Variants in BNC2 observed in about 807,000 individuals in gnomAD.
BNC2 encodes the protein zinc finger protein basonuclin-2.
In BNC2, 20 loss-of-function variants were observed where a neutral mutation model predicts 76.3. That is an observed-to-expected ratio of 0.26 (90% CI 0.18 to 0.38). BNC2 has a LOEUF of 0.38. BNC2 is among the 10% of genes least tolerant of loss of function. The pLI, the probability that BNC2 is intolerant of heterozygous loss-of-function variation, is 1.00. For missense variants in BNC2, 1,382 were observed against 1,399.8 expected (o/e 0.99, Z 0.20); for synonymous variants, 582 against 514.8 (o/e 1.13, Z -1.77).
At chr9:16,607,395 G>T (rs1415269304) in intron 3 of BNC2, among the ~76,000 whole-genome samples, 4 of 152,106 alleles carry the variant, frequency 2.6e-5, no homozygotes, top group Admixed American at 2.6e-4. Context: ...AAGAAACACA[G>T]GACCAAGTCC....
intron 1 of BNC2, among the ~76,000 whole-genome samples, chr9:16,770,202 G>A (rs925531501): frequency 6.6e-6 from 1 of 152,116 alleles, no homozygotes; most frequent in African/African-American, 2.4e-5. Flanking sequence ...AACACCCAGA[G>A]ATACAGGAGA....
chr9:16,616,408 TAA>T (rs1820698098), intron 3 of BNC2, among the ~76,000 whole-genome samples: 3 of 150,926 alleles, frequency 2.0e-5, no homozygotes, highest in Admixed American at 2.0e-4. Flanking sequence ...TAAAATAAAA[TAA>T]AAGAGGCCAG....
chr9:16,767,589 G>C (rs1300901441), intron 1 of BNC2, among the ~76,000 whole-genome samples: 1 of 152,114 alleles, frequency 6.6e-6, no homozygotes, highest in Non-Finnish European at 1.5e-5. Context: ...GAGGCACTGG[G>C]GAAAAAGTAT....
At chr9:16,618,575 GTAC>G (rs1489177160) in intron 3 of BNC2, among the ~76,000 whole-genome samples, 1 of 152,052 alleles carries the variant, frequency 6.6e-6, no homozygotes, top group Non-Finnish European at 1.5e-5. Flanking sequence ...TCACATTACA[GTAC>G]TTAATATACC....
At chr9:16,477,360 A>G (rs1281507712) in intron 5 of BNC2, among the ~76,000 whole-genome samples, 1 of 152,144 alleles carries the variant, frequency 6.6e-6, no homozygotes, top group African/African-American at 2.4e-5. Flanking sequence ...CCTTGATAAC[A>G]ATGTGACAAG....
At chr9:16,627,086 T>C (rs1821019338) in intron 3 of BNC2, among the ~76,000 whole-genome samples, 3 of 152,172 alleles carry the variant, frequency 2.0e-5, no homozygotes, top group South Asian at 4.1e-4. Context: ...TTATTTATCC[T>C]GCAGCCAGTT....
chr9:16,870,556 GCCC>G (rs1819657666), intron 1 of BNC2, 87 bp downstream of exon 1: 1 of 1,486,524 alleles, frequency 6.7e-7, no homozygotes, highest in Non-Finnish European at 9.2e-7. Context: ...GGCGGACACG[GCCC>G]CCGGGCGGCC....
At chr9:16,842,903 C>CA (rs1818870968) in intron 1 of BNC2, among the ~76,000 whole-genome samples, 3 of 152,160 alleles carry the variant, frequency 2.0e-5, no homozygotes, top group Admixed American at 6.5e-5. Context: ...AGGTGTGCAC[C>CA]ACCACACCCA....
chr9:16,511,795 G>T (rs1822763564), intron 5 of BNC2, among the ~76,000 whole-genome samples: 1 of 152,096 alleles, frequency 6.6e-6, no homozygotes, highest in East Asian at 1.9e-4. Flanking sequence ...GATAAAGTAA[G>T]CAAAGGTATT....
chr9:16,628,835 G>A (rs1821075738), intron 3 of BNC2, among the ~76,000 whole-genome samples: 1 of 152,150 alleles, frequency 6.6e-6, no homozygotes, highest in Non-Finnish European at 1.5e-5. Flanking sequence ...AATCATTGCT[G>A]TTAAAGGGAA....
chr9:16,817,204 A>G (rs1378758286), intron 1 of BNC2, among the ~76,000 whole-genome samples: 2 of 152,158 alleles, frequency 1.3e-5, no homozygotes, highest in African/African-American at 2.4e-5. Context: ...ATACACACAC[A>G]AGAGACTGGT....
At chr9:16,666,807 A>C (rs1822305470) in intron 3 of BNC2, among the ~76,000 whole-genome samples, 1 of 152,206 alleles carries the variant, frequency 6.6e-6, no homozygotes, top group South Asian at 2.1e-4. Flanking sequence ...ATTCTTAACA[A>C]ATTTTTCATG....
At chr9:16,674,936 T>G (rs1230622713) in intron 3 of BNC2, among the ~76,000 whole-genome samples, 1 of 152,206 alleles carries the variant, frequency 6.6e-6, no homozygotes, top group East Asian at 1.9e-4. Context: ...TATTTCCGAT[T>G]CTTAAAGTTT....
At chr9:16,447,089 A>G (rs1032291889) in intron 5 of BNC2, among the ~76,000 whole-genome samples, 1 of 152,176 alleles carries the variant, frequency 6.6e-6, no homozygotes, top group African/African-American at 2.4e-5. Context: ...AGAAACTTTT[A>G]AAGACACATT....
chr9:16,419,843 G>A (rs1438023524), intron 6 of BNC2, among the ~76,000 whole-genome samples, 194 bp from the exon 7 acceptor site: 2 of 152,184 alleles, frequency 1.3e-5, no homozygotes, highest in African/African-American at 4.8e-5. Context: ...GGTGAGAGGT[G>A]CAATCAGGGG....
At chr9:16,558,933 C>CAAAA (rs574756487) in intron 4 of BNC2, among the ~76,000 whole-genome samples, 2,791 of 81,080 alleles carry the variant, frequency 0.034, 69 homozygotes, top group South Asian at 0.2. Flanking sequence ...GACTCCGTCT[C>CAAAA]AAAAAAAAAA....
At chr9:16,685,876 C>T (rs1200497054) in intron 3 of BNC2, among the ~76,000 whole-genome samples, 1 of 152,158 alleles carries the variant, frequency 6.6e-6, no homozygotes. Context: ...TCCTTGTATT[C>T]ACAGCAGGTA....
At chr9:16,761,579 C>T (rs1306648198) in intron 1 of BNC2, among the ~76,000 whole-genome samples, 2 of 152,140 alleles carry the variant, frequency 1.3e-5, no homozygotes, top group Non-Finnish European at 2.9e-5. Flanking sequence ...GAGAGGGAGT[C>T]AGAAAAGCAA....
chr9:16,456,175 AAAG>A (rs1821444277), intron 5 of BNC2, among the ~76,000 whole-genome samples: 1 of 152,182 alleles, frequency 6.6e-6, no homozygotes, highest in African/African-American at 2.4e-5. Context: ...TCACTAATGA[AAAG>A]AAGGTGGAAA....
Sources: allele counts gnomAD v4.1 joint callset (sites outside exome capture counted in the v4.1 genomes callset), GRCh38; gene constraint gnomAD v4.1.1; transcripts MANE v1.5; gene names NCBI Gene and HGNC (gene_info 2026-07-23, HGNC 2026-07-21).